Variants in ACAA2 observed in about 807,000 individuals in gnomAD.
ACAA2 encodes the protein 3-ketoacyl-CoA thiolase, mitochondrial.
A neutral mutation model predicts 44.8 loss-of-function variants in ACAA2; 35 were observed. The observed-to-expected ratio is 0.78, with a 90% CI of 0.60 to 1.04. The LOEUF (loss-of-function observed/expected upper bound fraction) is 1.04, where lower values mean the gene tolerates loss of function less well. Ranked by LOEUF, ACAA2 falls within the 50% of genes least tolerant of loss-of-function variation. The probability of loss-of-function intolerance (pLI) is 0.00; values close to 1 mark genes in which losing one functional copy is unlikely to be tolerated. For missense variants in ACAA2, 468 were observed against 482.6 expected (o/e 0.97, Z 0.28); for synonymous variants, 142 against 166.5 (o/e 0.85, Z 1.13).
chr18:49,784,856 T>C (rs1383852755), intron 9 of ACAA2, among the ~76,000 whole-genome samples: 1 of 151,792 alleles, frequency 6.6e-6, no homozygotes, highest in Non-Finnish European at 1.5e-5. Flanking sequence ...TAAAATAGAT[T>C]TATTTTACTC....
chr18:49,803,021 G>A (rs954937933), intron 1 of ACAA2, 168 bp from the exon 2 acceptor site: 3 of 773,306 alleles, frequency 3.9e-6, no homozygotes, highest in Admixed American at 2.0e-5. Flanking sequence ...AGAGTCTTAA[G>A]GACTACCAGT....
rs1475875584 is a variant in ACAA2, at chr18:49,785,558, A to C, written c.955-207T>G. On this transcript the variant is annotated intron_variant, in intron 8 of 9. Transcript: ENST00000285093. ...CTAAATAATACTTTTAGTCAAATGC[A>C]TCCCTTAGAGGCAATTCTCAGTAAT... 12 of 563,794 alleles carry C rather than the reference A, an allele frequency of 2.1e-5. No individual in the cohort carries two copies. The East Asian group carries it at 3.8e-4, about 18-fold the overall frequency. 34.9% of individuals were successfully genotyped at this position (563,794 alleles called of 1,614,324 possible). A position where few individuals can be genotyped will look rare whatever the true frequency, so the allele number is the denominator to read the frequency against.
intron 7 of ACAA2, among the ~76,000 whole-genome samples, chr18:49,788,825 G>A (rs1455765590): frequency 1.3e-5 from 2 of 152,168 alleles, no homozygotes; most frequent in Non-Finnish European, 1.5e-5. Context: ...CCAGACCACT[G>A]TTATTTACTG....
rs996631099 is a variant in ACAA2 at position 49,783,546 on chromosome 18, T to C, written c.*301A>G. On this transcript the variant is annotated 3_prime_UTR_variant, in exon 10 of 10. Transcript: ENST00000285093. ...TTATTTGATTTCCTTATAATCATAT[T>C]ATCTAAGGCAGAAGTGGTGGTTACT... 8 of 239,086 alleles carry C rather than the reference T, an allele frequency of 3.3e-5. No homozygotes were observed. The highest frequency in any genetic ancestry group is 5.7e-5 in the Non-Finnish European group (7 of 122,176). 14.8% of individuals were successfully genotyped at this position (239,086 alleles called of 1,614,324 possible). A position where few individuals can be genotyped will look rare whatever the true frequency, so the allele number is the denominator to read the frequency against.
chr18:49,792,611 A>T (rs182932166), intron 5 of ACAA2, among the ~76,000 whole-genome samples: 10 of 151,936 alleles, frequency 6.6e-5, no homozygotes, highest in Middle Eastern at 3.4e-3. Context: ...TGCCCGGCTA[A>T]TTTTTTTTAT....
chr18:49,806,299 G>A (rs568915357), intron 1 of ACAA2, among the ~76,000 whole-genome samples: 1 of 152,290 alleles, frequency 6.6e-6, no homozygotes, highest in South Asian at 2.1e-4. Flanking sequence ...GAGCACCATA[G>A]AGCGAGATTC....
intron 8 of ACAA2, chr18:49,785,987 T>TTA (rs1223788971): frequency 6.6e-6 from 1 of 152,280 alleles, no homozygotes; most frequent in Non-Finnish European, 1.5e-5. Context: ...GAAAAGTATA[T>TTA]TATGTTATAC....
At chr18:49,803,446 T>G (rs1223083345) in intron 1 of ACAA2, among the ~76,000 whole-genome samples, 1 of 152,090 alleles carries the variant, frequency 6.6e-6, no homozygotes, top group Non-Finnish European at 1.5e-5. Flanking sequence ...CCCTTAGAGT[T>G]GTAAGCCCTT....
chr18:49,807,773 A>T (rs1207066218), intron 1 of ACAA2, among the ~76,000 whole-genome samples: 1 of 151,548 alleles, frequency 6.6e-6, no homozygotes, highest in Non-Finnish European at 1.5e-5. Context: ...TCAAGGCTAC[A>T]GTGGCCGTGT....
At position 49,782,730 on chromosome 18, in the gene ACAA2, C is replaced by T. The variant is rs1421363219; in HGVS notation, c.*1117G>A. The T allele has an allele frequency of 2.0e-5, 3 of 151,586 alleles. No homozygotes were observed. Among genetic ancestry groups the T allele is most frequent in the Non-Finnish European group, 4.4e-5 (3 of 68,050 alleles). 9.4% of individuals were successfully genotyped at this position (151,586 alleles called of 1,614,324 possible). ...GGGCGTAGTGGCAGGCGCCTGTAGT[C>T]CCAGCTACTGGGGAGGCTGAGGCAG... On this transcript the variant is annotated 3_prime_UTR_variant, in exon 10 of 10. Coordinates refer to ENST00000285093, the MANE Select transcript of ACAA2 (RefSeq NM_006111.3).
rs922499773 is a variant in ACAA2 at position 49,792,386 on chromosome 18, A to G, written c.578-59T>C. On this transcript the variant is annotated intron_variant, in intron 5 of 9. Coordinates refer to ENST00000285093, the MANE Select transcript of ACAA2 (RefSeq NM_006111.3). ...AAAGAGAGAAACATGAAAATAAATC[A>G]AACATATTATTCAATTTAATTTCTG... 6 of 1,392,202 alleles carry G rather than the reference A, an allele frequency of 4.3e-6. No individual in the cohort carries two copies. The African/African-American group carries it at 8.7e-5, about 20-fold the overall frequency. 86.2% of individuals were successfully genotyped at this position (1,392,202 alleles called of 1,614,324 possible).
At chr18:49,790,356 T>A (rs552536584) in intron 7 of ACAA2, among the ~76,000 whole-genome samples, 1 of 152,304 alleles carries the variant, frequency 6.6e-6, no homozygotes, top group Non-Finnish European at 1.5e-5. Context: ...CAAATATGGT[T>A]GAGTATTAAT....
rs556263004 is a variant in ACAA2, at chr18:49,783,243, G to C, written c.*604C>G. 6.6e-6 allele frequency: 1 copy of C among 151,944 alleles called. No homozygotes were observed. Among genetic ancestry groups the C allele is most frequent in the Non-Finnish European group, 1.5e-5 (1 of 68,070 alleles). 9.4% of individuals were successfully genotyped at this position (151,944 alleles called of 1,614,324 possible). ...TATAATTTCACTTATGAGGTACCTCGAGTCATCAAATTTATAGAAACAAAA... is the reference window on the plus strand; with the variant it reads ...TATAATTTCACTTATGAGGTACCTCCAGTCATCAAATTTATAGAAACAAAA... On this transcript the variant is annotated 3_prime_UTR_variant, in exon 10 of 10. Transcript: ENST00000285093.
intron 1 of ACAA2, among the ~76,000 whole-genome samples, chr18:49,805,652 C>G (rs951659960): frequency 2.6e-5 from 4 of 152,046 alleles, no homozygotes; most frequent in African/African-American, 4.8e-5. Context: ...GCCTCGACCT[C>G]TGCAGCCTCG....
chr18:49,809,221 G>A (rs1476385703), intron 1 of ACAA2, among the ~76,000 whole-genome samples: 1 of 152,166 alleles, frequency 6.6e-6, no homozygotes, highest in Non-Finnish European at 1.5e-5. Context: ...CTGTTATTCT[G>A]TTCAAGGTGC....
intron 1 of ACAA2, among the ~76,000 whole-genome samples, chr18:49,805,916 T>G (rs1238945234): frequency 2.6e-5 from 4 of 152,192 alleles, no homozygotes; most frequent in Admixed American, 2.6e-4. Flanking sequence ...TATTTCATTC[T>G]TCTTTCCTCT....
At chr18:49,793,454 C>T (rs540153815) in intron 5 of ACAA2, among the ~76,000 whole-genome samples, 12 of 152,214 alleles carry the variant, frequency 7.9e-5, no homozygotes, top group African/African-American at 2.4e-4. Flanking sequence ...ATAACTTGTG[C>T]GTGGTAGAAG....
Position 49,783,697 on chromosome 18 carries a change from C to T in ACAA2, c.*150G>A, listed in dbSNP as rs2023292123. 1 of 607,638 alleles carries T rather than the reference C, an allele frequency of 1.6e-6. No homozygotes were observed. The highest frequency in any genetic ancestry group is 1.9e-5 in the African/African-American group (1 of 53,952). 37.6% of individuals were successfully genotyped at this position (607,638 alleles called of 1,614,324 possible). On this transcript the variant is annotated 3_prime_UTR_variant, in exon 10 of 10. Coordinates refer to ENST00000285093, the MANE Select transcript of ACAA2 (RefSeq NM_006111.3). ...CATGGGCTCCTATTCATGATCAATG[C>T]ATTTTTGTGTCACCATGGCTTGATC...
At chr18:49,792,745 C>T (rs934002532) in intron 5 of ACAA2, among the ~76,000 whole-genome samples, 1 of 152,148 alleles carries the variant, frequency 6.6e-6, no homozygotes, top group African/African-American at 2.4e-5. Context: ...CACGCTCAGC[C>T]TGAGTCTTTA....
Sources: gnomAD v4.1 joint callset for allele counts (sites outside exome capture counted in the v4.1 genomes callset) on GRCh38, gnomAD v4.1.1 for gene constraint, MANE v1.5 for transcripts, NCBI Gene and HGNC (gene_info 2026-07-23, HGNC 2026-07-21) for gene names.